Variants in RIPOR3 observed in about 807,000 individuals in gnomAD.
The protein encoded by RIPOR3 is RIPOR family member 3.
Under a neutral mutation model 114.3 loss-of-function variants are expected in RIPOR3, and 95 were observed. The observed-to-expected ratio is 0.83, with a 90% confidence interval of 0.70 to 0.99. The LOEUF (loss-of-function observed/expected upper bound fraction) is 0.99. Ranked by LOEUF, RIPOR3 falls within the 50% of genes least tolerant of loss-of-function variation. RIPOR3 has a pLI of 0.00. For synonymous variants in RIPOR3, 575 were observed against 543.8 expected (o/e 1.06, Z -0.80); for missense variants, 1,252 against 1,266.9 (o/e 0.99, Z 0.18).
At chr20:50,599,687 G>A (rs571372433) in intron 13 of RIPOR3, among the ~76,000 whole-genome samples, 3 of 152,140 alleles carry the variant, frequency 2.0e-5, no homozygotes, top group African/African-American at 7.2e-5. Context: ...GCAAAGCATT[G>A]CCTCGCTTGA....
intron 1 of RIPOR3, among the ~76,000 whole-genome samples, chr20:50,635,481 C>T (rs1012605781): frequency 6.6e-6 from 1 of 151,970 alleles, no homozygotes; most frequent in African/African-American, 2.4e-5. Context: ...TAGTGAGACC[C>T]GGTCCCCACA....
Position 50,587,869 on chromosome 20 carries a change from A to C in RIPOR3, c.2685T>G (p.Thr895=). 1 of 1,614,148 alleles carries C rather than the reference A, an allele frequency of 6.2e-7. No homozygotes were observed. The highest frequency in any genetic ancestry group is 1.1e-5 in the South Asian group (1 of 91,088). Residue 895 remains threonine (T), a synonymous_variant, in exon 21 of 22, where the codon ACT becomes ACG. Transcript: ENST00000327979. ...HLKGIESIDQ[T]ASLCQSDLEA... ...CCAGGTCAGACTGGCACAGGCTGGC[A>C]GTCTGGTCGATGCTTTCAATGCCCT...
At chr20:50,667,257 CG>C (rs1243894185) in intron 1 of RIPOR3, among the ~76,000 whole-genome samples, 1 of 148,294 alleles carries the variant, frequency 6.7e-6, no homozygotes, top group Non-Finnish European at 1.5e-5. Context: ...ATTTCAAAAT[CG>C]GGTTTCTGCT....
rs754582045 is a variant in RIPOR3, at chr20:50,595,385, T to TGC, written c.2032_2033dup (p.Thr679GlnfsTer18). 4 of 1,614,096 alleles carry TGC rather than the reference T, an allele frequency of 2.5e-6. No homozygotes were observed. The South Asian group carries it at 4.4e-5, about 18-fold the overall frequency. The stretch of plus-strand genomic sequence containing the variant: ...GCTACTTACTCTCTTCAATGGATGT[T>TGC]GCCTTGCCGACCTTCTCAAAGTCAA... On this transcript the variant is annotated frameshift_variant, in exon 16 of 22. Coordinates refer to ENST00000327979, the MANE Select transcript of RIPOR3 (RefSeq NM_001290268.2). LOFTEE classifies it high-confidence loss of function.
intron 1 of RIPOR3, among the ~76,000 whole-genome samples, chr20:50,664,297 C>T (rs138479088): frequency 5.9e-5 from 9 of 152,304 alleles, no homozygotes; most frequent in African/African-American, 2.2e-4. Flanking sequence ...GGTAGGACAC[C>T]GTGAAGCCCA....
At chr20:50,596,516 GA>G (rs1159974572) in intron 14 of RIPOR3, among the ~76,000 whole-genome samples, 1 of 152,210 alleles carries the variant, frequency 6.6e-6, no homozygotes, top group East Asian at 1.9e-4. Flanking sequence ...AGGTAGAAGA[GA>G]ATTCCAACTC....
At chr20:50,611,861 C>T (rs868268666) in intron 4 of RIPOR3, among the ~76,000 whole-genome samples, 18 of 152,110 alleles carry the variant, frequency 1.2e-4, no homozygotes, top group African/African-American at 2.9e-4. Context: ...CAGTGGCTCA[C>T]GCCTGTAATC....
chr20:50,615,631 A>AGG (rs1362310582), intron 4 of RIPOR3, among the ~76,000 whole-genome samples: 2 of 152,124 alleles, frequency 1.3e-5, no homozygotes, highest in Non-Finnish European at 2.9e-5. Context: ...ACAGCGGCAG[A>AGG]GGCCACTGTG....
chr20:50,653,538 C>T (rs894913835), intron 1 of RIPOR3, among the ~76,000 whole-genome samples: 6 of 151,200 alleles, frequency 4.0e-5, no homozygotes, highest in Non-Finnish European at 8.8e-5. Flanking sequence ...TGGGTTCAAG[C>T]GATTTTCCTG....
chr20:50,616,890 C>T (rs1367181317), intron 3 of RIPOR3, among the ~76,000 whole-genome samples: 2 of 152,190 alleles, frequency 1.3e-5, no homozygotes, highest in African/African-American at 4.8e-5. Flanking sequence ...CGCCTGTAAT[C>T]CTAACACTTT....
At chr20:50,638,106 G>A (rs2085053943) in intron 1 of RIPOR3, among the ~76,000 whole-genome samples, 1 of 152,154 alleles carries the variant, frequency 6.6e-6, no homozygotes, top group African/African-American at 2.4e-5. Flanking sequence ...CCAGCTTCAG[G>A]GCAGCCCATG....
rs780099140 is a variant in RIPOR3, at chr20:50,595,367, ACT to A, written c.2050_2050+1del. On this transcript the variant is annotated splice_donor_variant and coding_sequence_variant, in exon 16 of 22. Coordinates refer to ENST00000327979, the MANE Select transcript of RIPOR3 (RefSeq NM_001290268.2). LOFTEE classifies it high-confidence loss of function. ...GCCCCTGGGTGGCAGGCAGCTACTT[ACT>A]CTCTTCAATGGATGTTGCCTTGCCG... 1.9e-6 allele frequency: 3 copies of A among 1,612,544 alleles called. No individual in the cohort carries two copies. Among genetic ancestry groups the A allele is most frequent in the Admixed American group, 3.3e-5 (2 of 59,962 alleles).
intron 1 of RIPOR3, among the ~76,000 whole-genome samples, chr20:50,657,729 A>G (rs2085858972): frequency 1.3e-5 from 2 of 150,998 alleles, no homozygotes; most frequent in South Asian, 2.1e-4. Flanking sequence ...CATGCCAAGC[A>G]TAGGGTAAAT....
rs186964430 is a variant in RIPOR3 at position 50,606,876 on chromosome 20, C to T, written c.956+1513G>A. Among the ~76,000 whole-genome samples, 387 of 152,192 alleles carry T rather than the reference C, an allele frequency of 2.5e-3. 1 individual carries two copies. Among genetic ancestry groups the T allele is most frequent in the Non-Finnish European group, 4.5e-3 (308 of 67,998 alleles). The stretch of plus-strand genomic sequence containing the variant: ...TCCCAAGTAGCTGAAACTATAGGCC[C>T]GTGCCACCACGCCTGGCTAATTTTT... On this transcript the variant is annotated intron_variant, in intron 11 of 21. Coordinates refer to ENST00000327979, the MANE Select transcript of RIPOR3 (RefSeq NM_001290268.2).
intron 14 of RIPOR3, 51 bp from the exon 15 acceptor site, chr20:50,596,314 C>T: frequency 6.2e-7 from 1 of 1,609,188 alleles, no homozygotes; most frequent in Non-Finnish European, 8.5e-7. Flanking sequence ...GTTCAGCTCC[C>T]TCTGAGGGTG....
At chr20:50,641,285 G>A (rs1568911237) in intron 1 of RIPOR3, among the ~76,000 whole-genome samples, 1 of 152,100 alleles carries the variant, frequency 6.6e-6, no homozygotes, top group Non-Finnish European at 1.5e-5. Flanking sequence ...TGGGATCACA[G>A]CTCACTGCAG....
Position 50,589,689 on chromosome 20 carries a change from G to A in RIPOR3, c.2658C>T (p.Leu886=). The change falls in exon 20 of 22, where the codon CTC becomes CTT. Residue 886 remains leucine (L), a synonymous_variant. Transcript: ENST00000327979. ...AATGGGGAAACGTCAGGCTCACCTTGAGGTGTTTGAGCGCTAGGCATGCGG... is the reference window on the plus strand; with the variant it reads ...AATGGGGAAACGTCAGGCTCACCTTAAGGTGTTTGAGCGCTAGGCATGCGG... ...QQAACLALKH[L]KGIESIDQTA... 3 of 1,613,586 alleles carry A rather than the reference G, an allele frequency of 1.9e-6. No homozygotes were observed. Among genetic ancestry groups the A allele is most frequent in the Non-Finnish European group, 1.7e-6 (2 of 1,179,720 alleles).
intron 1 of RIPOR3, among the ~76,000 whole-genome samples, chr20:50,655,230 T>C (rs2085767491): frequency 6.6e-6 from 1 of 152,202 alleles, no homozygotes; most frequent in South Asian, 2.1e-4. Context: ...CAAGAAGAGG[T>C]TGCGTTCTCA....
chr20:50,631,069 C>T (rs1259785260), intron 1 of RIPOR3, among the ~76,000 whole-genome samples: 1 of 152,192 alleles, frequency 6.6e-6, no homozygotes, highest in Non-Finnish European at 1.5e-5. Flanking sequence ...AATTCGAACC[C>T]AGGTGTCTGT....
Sources: gnomAD v4.1 joint callset for allele counts (sites outside exome capture counted in the v4.1 genomes callset) on GRCh38, gnomAD v4.1.1 for gene constraint, MANE v1.5 for transcripts, NCBI Gene and HGNC (gene_info 2026-07-23, HGNC 2026-07-21) for gene names.